MAP6: variants seen among roughly 807,000 people sequenced by gnomAD.
The protein encoded by MAP6 is microtubule associated protein 6.
In MAP6, 26 loss-of-function variants were observed where a neutral mutation model predicts 42.4. That is an observed-to-expected ratio of 0.61 (90% CI 0.45 to 0.85). The LOEUF (loss-of-function observed/expected upper bound fraction) is 0.85, where lower values mean the gene tolerates loss of function less well. Among genes scored for constraint, MAP6 ranks in the 40% least tolerant of loss-of-function variants. MAP6 has a pLI of 0.00. For synonymous variants in MAP6, 418 were observed against 443.8 expected (o/e 0.94, Z 0.73); for missense variants, 966 against 1,099.0 (o/e 0.88, Z 1.71).
At chr11:75,652,421 C>T (rs1943663187) in intron 1 of MAP6, among the ~76,000 whole-genome samples, 2 of 152,182 alleles carry the variant, frequency 1.3e-5, no homozygotes, top group Admixed American at 1.3e-4. Flanking sequence ...TGCTGCCTGC[C>T]TGATTGTTTT....
At chr11:75,659,197 A>G (rs1416967681) in intron 1 of MAP6, among the ~76,000 whole-genome samples, 4 of 152,180 alleles carry the variant, frequency 2.6e-5, no homozygotes, top group Non-Finnish European at 5.9e-5. Context: ...TAAAACCTAA[A>G]GGGGCTGAGC....
intron 1 of MAP6, among the ~76,000 whole-genome samples, chr11:75,641,348 G>T: frequency 8.3e-6 from 1 of 121,084 alleles, no homozygotes; most frequent in South Asian, 3.5e-4. Flanking sequence ...GTGGGGGGAG[G>T]GGGAGGGATA....
chr11:75,662,423 A>G (rs1402713931), intron 1 of MAP6, among the ~76,000 whole-genome samples: 1 of 152,264 alleles, frequency 6.6e-6, no homozygotes, highest in Non-Finnish European at 1.5e-5. Context: ...AAAGACTTAA[A>G]TAAATGGCAA....
At chr11:75,635,153 G>C (rs1943347977) in intron 1 of MAP6, among the ~76,000 whole-genome samples, 2 of 152,172 alleles carry the variant, frequency 1.3e-5, no homozygotes, top group Admixed American at 1.3e-4. Context: ...GGGTTCCCCT[G>C]GGGACTCTGC....
chr11:75,614,538 A>G (rs1368292298), intron 1 of MAP6, among the ~76,000 whole-genome samples: 1 of 152,222 alleles, frequency 6.6e-6, no homozygotes, highest in Non-Finnish European at 1.5e-5. Context: ...AGGACATTCA[A>G]GTAGCCCTTG....
intron 1 of MAP6, among the ~76,000 whole-genome samples, chr11:75,661,846 T>A (rs1020857514): frequency 6.6e-6 from 1 of 152,066 alleles, no homozygotes; most frequent in Non-Finnish European, 1.5e-5. Context: ...AAAAACAAGA[T>A]ATATAAATCT....
chr11:75,604,993 C>T (rs918682111), intron 3 of MAP6: 54 of 985,474 alleles, frequency 5.5e-5, no homozygotes, highest in Non-Finnish European at 6.1e-5. Flanking sequence ...CATCTCCAAC[C>T]GGTCGCTCTG....
chr11:75,602,011 C>T (rs1027711269), intron 3 of MAP6, among the ~76,000 whole-genome samples: 2 of 151,932 alleles, frequency 1.3e-5, no homozygotes, highest in Admixed American at 6.6e-5. Flanking sequence ...CCTGGTTTCC[C>T]TAGTGCCCAG....
chr11:75,589,490 G>T (rs1204828602), intron 3 of MAP6, among the ~76,000 whole-genome samples: 4 of 152,180 alleles, frequency 2.6e-5, no homozygotes, highest in African/African-American at 9.7e-5. Context: ...GCTCATTTCA[G>T]CAACAGAGCA....
intron 1 of MAP6, among the ~76,000 whole-genome samples, chr11:75,646,223 A>T (rs1212403138): frequency 1.3e-5 from 2 of 152,160 alleles, no homozygotes; most frequent in Non-Finnish European, 2.9e-5. Context: ...CCAGCATACC[A>T]TAGAATGGTA....
At chr11:75,628,132 T>A (rs773700707) in intron 1 of MAP6, among the ~76,000 whole-genome samples, 30 of 151,732 alleles carry the variant, frequency 2.0e-4, no homozygotes, top group Non-Finnish European at 3.4e-4. Flanking sequence ...AGAGAAATGG[T>A]TGTGTTGGGG....
At chr11:75,633,010 CTTT>C (rs57493803) in intron 1 of MAP6, among the ~76,000 whole-genome samples, 5 of 137,962 alleles carry the variant, frequency 3.6e-5, no homozygotes, top group Non-Finnish European at 1.6e-5. Context: ...TTTCTTTTTT[CTTT>C]TTTTTTTTTT....
chr11:75,648,949 T>C (rs1943605403), intron 1 of MAP6, among the ~76,000 whole-genome samples: 1 of 152,232 alleles, frequency 6.6e-6, no homozygotes, highest in Admixed American at 6.5e-5. Context: ...TACTTTTATA[T>C]ACTATTAGTT....
chr11:75,627,264 G>A (rs2135625891), intron 1 of MAP6, among the ~76,000 whole-genome samples: 1 of 152,336 alleles, frequency 6.6e-6, no homozygotes, highest in South Asian at 2.1e-4. Context: ...AGACCTAGGG[G>A]TCCTGGAAGA....
intron 3 of MAP6, chr11:75,605,114 C>T (rs997789156): frequency 1.9e-5 from 19 of 985,302 alleles, no homozygotes; most frequent in Non-Finnish European, 2.3e-5. Context: ...AACACCTAAC[C>T]TTCTTCACCA....
At chr11:75,635,179 C>T (rs1193288418) in intron 1 of MAP6, among the ~76,000 whole-genome samples, 1 of 152,160 alleles carries the variant, frequency 6.6e-6, no homozygotes, top group Non-Finnish European at 1.5e-5. Context: ...TTGGAGGCAG[C>T]CTGCCTGGGA....
chr11:75,627,932 G>C (rs906591809), intron 1 of MAP6, among the ~76,000 whole-genome samples: 1 of 152,222 alleles, frequency 6.6e-6, no homozygotes, highest in Non-Finnish European at 1.5e-5. Flanking sequence ...GAAAGGCTGA[G>C]AATGGTGGAG....
intron 2 of MAP6, 108 bp downstream of exon 2, chr11:75,608,001 T>C (rs989868592): frequency 1.7e-5 from 17 of 1,001,688 alleles, no homozygotes; most frequent in Non-Finnish European, 2.6e-5. Flanking sequence ...ATTTTAAAGG[T>C]GCCCGTGGAG....
intron 1 of MAP6, among the ~76,000 whole-genome samples, chr11:75,652,592 C>A (rs1943666349): frequency 1.3e-5 from 2 of 152,102 alleles, no homozygotes; most frequent in South Asian, 2.1e-4. Flanking sequence ...AATCCCAGCA[C>A]TTTAAGAGGC....
Sources: allele counts gnomAD v4.1 joint callset (sites outside exome capture counted in the v4.1 genomes callset), GRCh38; gene constraint gnomAD v4.1.1; transcripts MANE v1.5; gene names NCBI Gene and HGNC (gene_info 2026-07-23, HGNC 2026-07-21).